DCLK2: variants seen among roughly 807,000 people sequenced by gnomAD.
DCLK2 encodes serine/threonine-protein kinase DCLK2.
A neutral mutation model predicts 78.4 loss-of-function variants in DCLK2; 31 were observed. The ratio of observed to expected loss-of-function variants is 0.40; its 90% CI spans 0.30 to 0.53. The LOEUF (loss-of-function observed/expected upper bound fraction) is 0.53, where lower values mean the gene tolerates loss of function less well. Ranked by LOEUF, DCLK2 falls within the 20% of genes least tolerant of loss-of-function variation. The pLI is 0.61. For synonymous variants in DCLK2, 407 were observed against 374.9 expected (o/e 1.09, Z -0.99); for missense variants, 872 against 973.7 (o/e 0.90, Z 1.39).
chr4:150,085,063 A>G (rs1233220823), intron 1 of DCLK2, among the ~76,000 whole-genome samples: 1 of 152,114 alleles, frequency 6.6e-6, no homozygotes, highest in Non-Finnish European at 1.5e-5. Flanking sequence ...TCCCCATTTT[A>G]CAGATGGGGA....
In DCLK2 at chr4:150,079,038, C is replaced by T; in HGVS notation, c.11C>T (p.Thr4Ile). 10 of 1,540,696 alleles carry T rather than the reference C, an allele frequency of 6.5e-6. No individual in the cohort carries two copies. Among genetic ancestry groups the T allele is most frequent in the Non-Finnish European group, 8.7e-6 (10 of 1,149,002 alleles). The change falls in exon 1 of 16, where the codon ACC becomes ATC. Residue 4 changes from threonine to isoleucine, a missense_variant. Around this residue, in one of 3 missense-constraint regions of DCLK2, gnomAD observed 567 missense variants for 593.4 expected, o/e 0.96. Coordinates refer to ENST00000296550, the MANE Select transcript of DCLK2 (RefSeq NM_001040260.4). The part of the protein sequence containing the change: MAS[T>I]RSIELEHFEE... ...CTCGGAGCAGCCGCGATGGCCAGCA[C>T]CAGGAGTATCGAGCTGGAGCACTTT...
At chr4:150,101,492 C>T (rs1325970788) in intron 1 of DCLK2, among the ~76,000 whole-genome samples, 2 of 151,628 alleles carry the variant, frequency 1.3e-5, no homozygotes, top group East Asian at 1.9e-4. Flanking sequence ...ATATTGTTAA[C>T]GATGAGTGTT....
chr4:150,170,759 A>C (rs1172700949), intron 2 of DCLK2, among the ~76,000 whole-genome samples: 3 of 152,132 alleles, frequency 2.0e-5, no homozygotes, highest in Admixed American at 2.0e-4. Flanking sequence ...CAAAGACCAG[A>C]ATCTTGGTAT....
At chr4:150,114,714 CCCA>C in intron 2 of DCLK2, among the ~76,000 whole-genome samples, 1 of 152,222 alleles carries the variant, frequency 6.6e-6, no homozygotes, top group Middle Eastern at 3.4e-3. Flanking sequence ...AAAATAAGAC[CCCA>C]CTCCCTTTTG....
At chr4:150,210,276 C>T (rs114453623) in intron 5 of DCLK2, among the ~76,000 whole-genome samples, 56 of 152,232 alleles carry the variant, frequency 3.7e-4, no homozygotes, top group African/African-American at 1.3e-3. Flanking sequence ...TCTTTCTTAC[C>T]GTAAACCTTG....
At position 150,079,467 on chromosome 4, in the gene DCLK2, G is replaced by A. The variant is rs370007867; in HGVS notation, c.421+19G>A. 16 of 1,458,624 alleles carry A rather than the reference G, an allele frequency of 1.1e-5. No individual in the cohort carries two copies. In the South Asian group the frequency reaches 2.0e-4, roughly 18 times the overall value. 90.4% of individuals were successfully genotyped at this position (1,458,624 alleles called of 1,614,324 possible). The stretch of plus-strand genomic sequence containing the variant: ...CTGGAAGGTAGGAGGGGAGGGCGCC[G>A]CACGGCAGGTGCGGCGGAGCGCCGG... On this transcript the variant is annotated intron_variant, in intron 1 of 15. Transcript: ENST00000296550.
intron 2 of DCLK2, among the ~76,000 whole-genome samples, chr4:150,111,877 T>C (rs1485432943): frequency 1.3e-5 from 2 of 152,216 alleles, no homozygotes; most frequent in Non-Finnish European, 2.9e-5. Flanking sequence ...AGCCTTATAG[T>C]ATAATTTGAA....
intron 2 of DCLK2, among the ~76,000 whole-genome samples, chr4:150,143,535 A>G (rs546746858): frequency 2.4e-4 from 36 of 152,156 alleles, no homozygotes; most frequent in African/African-American, 8.4e-4. Flanking sequence ...CCTTTTTAAT[A>G]TAATGATTTT....
chr4:150,232,300 G>C (rs1421345133), intron 8 of DCLK2, 37 bp from the exon 9 acceptor site: 1 of 1,603,770 alleles, frequency 6.2e-7, no homozygotes, highest in Admixed American at 1.7e-5. Flanking sequence ...AGGGTTCTGT[G>C]ATTTCTGATC....
At chr4:150,202,261 C>T (rs1484667816) in intron 4 of DCLK2, among the ~76,000 whole-genome samples, 1 of 152,120 alleles carries the variant, frequency 6.6e-6, no homozygotes, top group Non-Finnish European at 1.5e-5. Context: ...GAGAAGTAAT[C>T]AGGGCTGTTG....
At chr4:150,219,904 T>A (rs1483159479) in intron 5 of DCLK2, among the ~76,000 whole-genome samples, 1 of 152,162 alleles carries the variant, frequency 6.6e-6, no homozygotes, top group Non-Finnish European at 1.5e-5. Flanking sequence ...TTGGAGTTAT[T>A]ATGTTGGTAA....
At chr4:150,155,107 C>A (rs1018178584) in intron 2 of DCLK2, among the ~76,000 whole-genome samples, 3 of 152,152 alleles carry the variant, frequency 2.0e-5, no homozygotes, top group African/African-American at 7.2e-5. Flanking sequence ...TGGCATGCAC[C>A]TGTGGTCCCA....
At chr4:150,096,375 T>C (rs1730463218) in intron 1 of DCLK2, among the ~76,000 whole-genome samples, 1 of 152,188 alleles carries the variant, frequency 6.6e-6, no homozygotes, top group Admixed American at 6.5e-5. Context: ...TTCATAGATA[T>C]CTAGAGAGGG....
chr4:150,110,657 T>C (rs1731618179), intron 2 of DCLK2, among the ~76,000 whole-genome samples: 1 of 152,138 alleles, frequency 6.6e-6, no homozygotes, highest in African/African-American at 2.4e-5. Context: ...CTTCTGAGTC[T>C]CTAAAGTCCT....
In DCLK2 at chr4:150,202,080, A is replaced by G. The variant is rs75648796; in HGVS notation, c.962-1715A>G. The stretch of plus-strand genomic sequence containing the variant: ...CCTGCACCTAAGGTCCATACTTTAC[A>G]TTGAGGTTCATTCTTGGTGTTGTTT... On this transcript the variant is annotated intron_variant, in intron 4 of 15. Coordinates refer to ENST00000296550, the MANE Select transcript of DCLK2 (RefSeq NM_001040260.4). 1.8e-3 allele frequency among the ~76,000 whole-genome samples: 279 copies of G among 152,216 alleles called. 2 individuals carry two copies. In the East Asian group the frequency reaches 0.026, roughly 14 times the overall value.
At chr4:150,101,903 C>T (rs1046886548) in intron 1 of DCLK2, among the ~76,000 whole-genome samples, 1 of 152,016 alleles carries the variant, frequency 6.6e-6, no homozygotes, top group Non-Finnish European at 1.5e-5. Flanking sequence ...TTTTAGCTGC[C>T]AGAACTCTTC....
At chr4:150,180,339 G>C (rs187048577) in intron 2 of DCLK2, among the ~76,000 whole-genome samples, 77 of 152,116 alleles carry the variant, frequency 5.1e-4, no homozygotes, top group Non-Finnish European at 9.1e-4. Flanking sequence ...GCATAGTTAG[G>C]TATTCCATGC....
At chr4:150,144,120 G>A (rs1242182909) in intron 2 of DCLK2, among the ~76,000 whole-genome samples, 1 of 151,964 alleles carries the variant, frequency 6.6e-6, no homozygotes, top group Admixed American at 6.6e-5. Context: ...TTTAATATTT[G>A]TTGGCATCAG....
rs567658431 is a variant in DCLK2, at chr4:150,176,324, T to C, written c.757-16814T>C. Among the ~76,000 whole-genome samples, 5 of 152,304 alleles carry C rather than the reference T, an allele frequency of 3.3e-5. No homozygotes were observed. The South Asian group carries it at 6.2e-4, about 19-fold the overall frequency. ...GCCTACGGCACAGGCGCAGGCACAG[T>C]GCTGAGTGCTCTGGGTGTAAGAGCG... On this transcript the variant is annotated intron_variant, in intron 2 of 15. Coordinates refer to ENST00000296550, the MANE Select transcript of DCLK2 (RefSeq NM_001040260.4).
Sources: allele counts gnomAD v4.1 joint callset (sites outside exome capture counted in the v4.1 genomes callset), GRCh38; gene constraint gnomAD v4.1.1; regional missense constraint gnomAD v4.1.1; transcripts MANE v1.5; gene names NCBI Gene and HGNC (gene_info 2026-07-23, HGNC 2026-07-21).